GMPR: variants seen among roughly 807,000 people sequenced by gnomAD.
GMPR encodes the protein guanosine monophosphate reductase.
In GMPR, 31 loss-of-function variants were observed where a neutral mutation model predicts 38.4. That is an observed-to-expected ratio of 0.81 (90% CI 0.61 to 1.09). The LOEUF (loss-of-function observed/expected upper bound fraction) is 1.09, where lower values mean the gene tolerates loss of function less well. GMPR is among the 50% of genes least tolerant of loss of function. The pLI is 0.00. For synonymous variants in GMPR, 162 were observed against 173.3 expected (o/e 0.93, Z 0.51); for missense variants, 468 against 453.7 (o/e 1.03, Z -0.29).
chr6:16,241,013 A>G (rs1458851776), intron 1 of GMPR, among the ~76,000 whole-genome samples: 1 of 151,916 alleles, frequency 6.6e-6, no homozygotes, highest in African/African-American at 2.4e-5. Flanking sequence ...GGCCTCCCTA[A>G]TCCCCTCTCA....
intron 4 of GMPR, 24 bp downstream of exon 4, chr6:16,254,759 T>G: frequency 6.4e-7 from 1 of 1,565,114 alleles, no homozygotes; most frequent in Non-Finnish European, 8.8e-7. Context: ...AACATTACGG[T>G]AGAACATTCT....
At chr6:16,254,531 A>T (rs1758935591) in intron 3 of GMPR, 31 bp from the exon 4 acceptor site, 2 of 1,599,958 alleles carry the variant, frequency 1.3e-6, no homozygotes, top group Non-Finnish European at 1.7e-6. Flanking sequence ...GCTACTGTTT[A>T]TGCCTGTCTT....
chr6:16,288,304 C>T (rs1428299125), intron 7 of GMPR, among the ~76,000 whole-genome samples: 1 of 152,246 alleles, frequency 6.6e-6, no homozygotes, highest in Admixed American at 6.5e-5. Flanking sequence ...TGCGGGCCAG[C>T]TGGAGTTCCG....
intron 7 of GMPR, among the ~76,000 whole-genome samples, chr6:16,287,610 G>A (rs373372617): frequency 2.6e-5 from 4 of 152,212 alleles, no homozygotes; most frequent in Non-Finnish European, 2.9e-5. Flanking sequence ...TGTGCTCTGC[G>A]TTCCTGCTGT....
chr6:16,290,360 G>T, intron 7 of GMPR, 102 bp from the exon 8 acceptor site: 2 of 980,162 alleles, frequency 2.0e-6, no homozygotes, highest in Non-Finnish European at 1.6e-6. Context: ...ATAGCTGGGC[G>T]GGGAGGGAGG....
At chr6:16,256,908 G>A (rs966720002) in intron 4 of GMPR, among the ~76,000 whole-genome samples, 2 of 152,198 alleles carry the variant, frequency 1.3e-5, no homozygotes, top group East Asian at 1.9e-4. Flanking sequence ...GGTGGTAGGA[G>A]TAGCTTTTGT....
At chr6:16,260,663 A>C (rs1331288591) in intron 4 of GMPR, among the ~76,000 whole-genome samples, 1 of 152,032 alleles carries the variant, frequency 6.6e-6, no homozygotes, top group East Asian at 1.9e-4. Flanking sequence ...AGAGGTTCTA[A>C]GAGGCGGGCT....
At chr6:16,264,342 G>A (rs569508527) in intron 4 of GMPR, 19 of 245,236 alleles carry the variant, frequency 7.7e-5, no homozygotes, top group South Asian at 2.3e-4. Flanking sequence ...GCCGCTTACC[G>A]GATTTGAAAT....
intron 2 of GMPR, among the ~76,000 whole-genome samples, chr6:16,249,814 T>C (rs968536165): frequency 2.6e-5 from 4 of 152,264 alleles, no homozygotes; most frequent in African/African-American, 4.8e-5. Flanking sequence ...GCAAGAAGTG[T>C]TCCGGTTGTG....
chr6:16,267,007 C>G (rs1036720519), intron 4 of GMPR, among the ~76,000 whole-genome samples: 1 of 151,402 alleles, frequency 6.6e-6, no homozygotes, highest in Non-Finnish European at 1.5e-5. Flanking sequence ...TCTGGGTGCG[C>G]CACCTTTAAG....
At chr6:16,274,937 C>T (rs908702575) in intron 5 of GMPR, among the ~76,000 whole-genome samples, 4 of 152,196 alleles carry the variant, frequency 2.6e-5, no homozygotes, top group Non-Finnish European at 5.9e-5. Flanking sequence ...CACATTCAAA[C>T]TTGACCCATG....
chr6:16,250,191 G>T (rs1255153456), intron 2 of GMPR, 93 bp from the exon 3 acceptor site: 1 of 770,032 alleles, frequency 1.3e-6, no homozygotes, highest in Non-Finnish European at 2.4e-6. Context: ...GAACACTGAT[G>T]CCTTTGTCTT....
At chr6:16,279,358 G>C (rs1209812814) in intron 6 of GMPR, among the ~76,000 whole-genome samples, 1 of 152,208 alleles carries the variant, frequency 6.6e-6, no homozygotes, top group Non-Finnish European at 1.5e-5. Flanking sequence ...CGTCCTCTGT[G>C]TGTGTGTCTC....
chr6:16,294,808 G>A (rs980409536), intron 8 of GMPR, among the ~76,000 whole-genome samples, 198 bp from the exon 9 acceptor site: 1 of 152,186 alleles, frequency 6.6e-6, no homozygotes, highest in Non-Finnish European at 1.5e-5. Flanking sequence ...CCCTTTGGGC[G>A]GGAGGAATGT....
At chr6:16,264,572 G>C (rs1017637887) in intron 4 of GMPR, 1 of 152,018 alleles carries the variant, frequency 6.6e-6, no homozygotes, top group Non-Finnish European at 1.5e-5. Flanking sequence ...GGCTGAGTCC[G>C]AAAAGAGAGT....
At chr6:16,267,342 G>A (rs1759273578) in intron 4 of GMPR, among the ~76,000 whole-genome samples, 1 of 151,844 alleles carries the variant, frequency 6.6e-6, no homozygotes, top group South Asian at 2.1e-4. Context: ...ACTGCACTCC[G>A]GCCTGGGTGA....
intron 8 of GMPR, among the ~76,000 whole-genome samples, chr6:16,291,555 A>G (rs1759841324): frequency 6.6e-6 from 1 of 152,036 alleles, no homozygotes; most frequent in Non-Finnish European, 1.5e-5. Context: ...ATGGTCTCCA[A>G]AGACACCTGG....
intron 8 of GMPR, among the ~76,000 whole-genome samples, chr6:16,292,574 G>A (rs1759860487): frequency 6.6e-6 from 1 of 152,106 alleles, no homozygotes; most frequent in Admixed American, 6.5e-5. Flanking sequence ...TAAGGAGGAG[G>A]CACTAAGCTG....
At chr6:16,246,715 C>T (rs1758762936) in intron 1 of GMPR, 127 bp from the exon 2 acceptor site, 1 of 858,634 alleles carries the variant, frequency 1.2e-6, no homozygotes, top group Non-Finnish European at 1.8e-6. Context: ...TGTCTTTGAC[C>T]CCTAAGAGAA....
Sources: gnomAD v4.1 joint callset for allele counts (sites outside exome capture counted in the v4.1 genomes callset) on GRCh38, gnomAD v4.1.1 for gene constraint, MANE v1.5 for transcripts, NCBI Gene and HGNC (gene_info 2026-07-23, HGNC 2026-07-21) for gene names.